Variants in GRK2 observed in about 807,000 individuals in gnomAD.
GRK2 encodes adrenergic beta receptor kinase 1.
In GRK2, 23 loss-of-function variants were observed where a neutral mutation model predicts 97.8. The ratio of observed to expected loss-of-function variants is 0.24; its 90% CI spans 0.17 to 0.33. The LOEUF (loss-of-function observed/expected upper bound fraction) is 0.33. Among genes scored for constraint, GRK2 ranks in the 10% least tolerant of loss-of-function variants. GRK2 has a pLI of 1.00. For missense variants in GRK2, 633 were observed against 956.9 expected (o/e 0.66, Z 4.47); for synonymous variants, 425 against 381.7 (o/e 1.11, Z -1.32).
chr11:67,274,627 G>A (rs1859990051), intron 1 of GRK2, among the ~76,000 whole-genome samples: 1 of 149,774 alleles, frequency 6.7e-6, no homozygotes, highest in Non-Finnish European at 1.5e-5. Context: ...GTCTCCCAGT[G>A]CACAGCCTGT....
At chr11:67,275,246 G>A (rs1389557739) in intron 1 of GRK2, among the ~76,000 whole-genome samples, 1 of 152,196 alleles carries the variant, frequency 6.6e-6, no homozygotes, top group African/African-American at 2.4e-5. Context: ...TTCCTGGAAG[G>A]ACAGTGCCCA....
At chr11:67,270,490 C>A (rs376269503) in intron 1 of GRK2, among the ~76,000 whole-genome samples, 1 of 152,212 alleles carries the variant, frequency 6.6e-6, no homozygotes, top group South Asian at 2.1e-4. Context: ...GTTAACTCTT[C>A]GCAGCCAGAA....
chr11:67,283,511 G>A (rs776440400), intron 15 of GRK2, 196 bp from the exon 16 acceptor site: 1 of 628,660 alleles, frequency 1.6e-6, no homozygotes, highest in Non-Finnish European at 2.8e-6. Context: ...ACTGGGCATA[G>A]GGTTGCAAAA....
rs1429746752 is a variant in GRK2, at chr11:67,284,618, C to CTACCAAAAAA, written c.1655-218_1655-209dup. 9.7e-6 allele frequency: 7 copies of CTACCAAAAAA among 724,142 alleles called. No homozygotes were observed. The East Asian group carries it at 1.7e-4, about 17-fold the overall frequency. 44.9% of individuals were successfully genotyped at this position (724,142 alleles called of 1,614,324 possible). ...TGGCCAACATGGTGAAACCCTGTCT[C>CTACCAAAAAA]TACCAAAAAATACCAAAAAAATTAG... On this transcript the variant is annotated intron_variant, in intron 18 of 20. Coordinates refer to ENST00000308595, the MANE Select transcript of GRK2 (RefSeq NM_001619.5).
Position 67,285,679 on chromosome 11 carries a change from C to T in GRK2, c.*229C>T. 3 of 545,844 alleles carry T rather than the reference C, an allele frequency of 5.5e-6. No homozygotes were observed. The South Asian group carries it at 7.8e-5, about 14-fold the overall frequency. The allele number at this position is 545,844 out of a possible 1,614,324, so 33.8% of individuals were successfully genotyped here. On this transcript the variant is annotated 3_prime_UTR_variant, in exon 21 of 21. Transcript: ENST00000308595. ...TTCAGGGGCTGCCCGCTCCCAGTGTCTTCCTGTGGGGGAAGAGCACAGCCC... is the reference window on the plus strand; with the variant it reads ...TTCAGGGGCTGCCCGCTCCCAGTGTTTTCCTGTGGGGGAAGAGCACAGCCC...
chr11:67,277,146 T>C, intron 1 of GRK2, 126 bp from the exon 2 acceptor site: 1 of 833,556 alleles, frequency 1.2e-6, no homozygotes, highest in Non-Finnish European at 1.9e-6. Context: ...TGAGTAGGCC[T>C]GACGGGCTGG....
At chr11:67,280,419 G>A (rs535697815) in intron 6 of GRK2, 96 of 481,262 alleles carry the variant, frequency 2.0e-4, no homozygotes, top group Non-Finnish European at 3.3e-4. Context: ...GACAGGAGAC[G>A]TACTTGTCAA....
intron 1 of GRK2, among the ~76,000 whole-genome samples, chr11:67,273,286 A>G (rs919748226): frequency 1.3e-5 from 2 of 152,212 alleles, no homozygotes; most frequent in African/African-American, 4.8e-5. Flanking sequence ...GCGTCCTTCC[A>G]TCTGGGACTG....
In GRK2 at chr11:67,282,427, TC is replaced by T. The variant is rs1860175524; in HGVS notation, c.1053-5del. 8 of 1,608,284 alleles carry T rather than the reference TC, an allele frequency of 5.0e-6. No homozygotes were observed. Among genetic ancestry groups the T allele is most frequent in the Non-Finnish European group, 6.8e-6 (8 of 1,176,838 alleles). On this transcript the variant is annotated splice_region_variant and splice_polypyrimidine_tract_variant and intron_variant, in intron 12 of 20. Transcript: ENST00000308595. The surrounding 1 kb of genome is among the most constrained non-coding windows in gnomAD (Gnocchi z 6.9). ...CCACTCCCGCTTATGGCCCCCTTGC[TC>T]CCACAGGGGCACCCACGGGTACATG...
intron 2 of GRK2, 50 bp downstream of exon 2, chr11:67,277,398 T>C: frequency 6.5e-7 from 1 of 1,539,468 alleles, no homozygotes; most frequent in Non-Finnish European, 9.0e-7. Context: ...TTCTTGCCCC[T>C]ACCCCAGCCA....
intron 2 of GRK2, 66 bp from the exon 3 acceptor site, chr11:67,279,134 C>A: frequency 7.2e-7 from 1 of 1,397,818 alleles, no homozygotes; most frequent in Non-Finnish European, 1.0e-6. Context: ...CAACCCACAC[C>A]ATCCACAATG....
Position 67,285,640 on chromosome 11 carries a change from C to T in GRK2, c.*190C>T, listed in dbSNP as rs771626240. On this transcript the variant is annotated 3_prime_UTR_variant, in exon 21 of 21. Coordinates refer to ENST00000308595, the MANE Select transcript of GRK2 (RefSeq NM_001619.5). The stretch of plus-strand genomic sequence containing the variant: ...GCACCAACCCAGCCGCTGCCCGGCG[C>T]CCTCTGTCCTGACTTCAGGGGCTGC... 1.0e-5 allele frequency: 7 copies of T among 693,236 alleles called. No homozygotes were observed. The highest frequency in any genetic ancestry group is 2.3e-6 in the Non-Finnish European group (1 of 437,316). The allele number at this position is 693,236 out of a possible 1,614,324, so 42.9% of individuals were successfully genotyped here.
chr11:67,279,543 T>C lies in GRK2; in HGVS notation c.366+24T>C, dbSNP rs746584523. ...ATGTGAGTGTCCTCAGCTGGCCCTG[T>C]GTGCTGGCCCAGAGTCACCTGCAGA... On this transcript the variant is annotated intron_variant, in intron 4 of 20. Transcript: ENST00000308595. The C allele has an allele frequency of 1.7e-5, 27 of 1,612,584 alleles. No homozygotes were observed. In the South Asian group the frequency reaches 2.9e-4, roughly 17 times the overall value.
intron 1 of GRK2, among the ~76,000 whole-genome samples, chr11:67,271,847 A>G (rs1859914374): frequency 6.6e-6 from 1 of 152,166 alleles, no homozygotes; most frequent in Non-Finnish European, 1.5e-5. Context: ...GAGAAACATT[A>G]AGAAGCCCCA....
intron 1 of GRK2, among the ~76,000 whole-genome samples, chr11:67,275,325 C>T (rs1292354687): frequency 2.6e-5 from 4 of 152,196 alleles, no homozygotes; most frequent in Admixed American, 6.5e-5. Context: ...AGGCCAGGTC[C>T]GCACTGTCTG....
In GRK2 at chr11:67,281,333, C is replaced by A; in HGVS notation, c.648-126C>A. On this transcript the variant is annotated intron_variant, in intron 8 of 20. Coordinates refer to ENST00000308595, the MANE Select transcript of GRK2 (RefSeq NM_001619.5). The surrounding 1 kb of genome is among the most constrained non-coding windows in gnomAD (Gnocchi z 5.7). ...CCCCCGCAGGCTCCTCTGGCCCCAG[C>A]CCTCCCTGTCTCTGATTTGTGTCAC... 9.1e-7 allele frequency: 1 copy of A among 1,099,912 alleles called. No individual in the cohort carries two copies. Among genetic ancestry groups the A allele is most frequent in the South Asian group, 1.4e-5 (1 of 72,972 alleles). 68.1% of individuals were successfully genotyped at this position (1,099,912 alleles called of 1,614,324 possible).
In GRK2 at chr11:67,284,246, C is replaced by T. The variant is rs777212532; in HGVS notation, c.1527C>T (p.Phe509=). 6.2e-7 allele frequency: 1 copy of T among 1,613,698 alleles called. No homozygotes were observed. Among genetic ancestry groups the T allele is most frequent in the Non-Finnish European group, 8.5e-7 (1 of 1,180,006 alleles). The change falls in exon 18 of 21, where the codon TTC becomes TTT. Residue 509 remains phenylalanine, a synonymous_variant. Transcript: ENST00000308595. ...LDSDQELYRN[F]PLTISERWQQ... is the part of the protein sequence containing the mutation. Reference sequence around the variant, plus strand: ...GTGATCAGGAGCTCTACCGCAACTTCCCCCTCACCATCTCGGAGCGGTGGC... The same window carrying T: ...GTGATCAGGAGCTCTACCGCAACTTTCCCCTCACCATCTCGGAGCGGTGGC...
chr11:67,277,922 C>A (rs905863864), intron 2 of GRK2, among the ~76,000 whole-genome samples: 1 of 152,206 alleles, frequency 6.6e-6, no homozygotes, highest in Non-Finnish European at 1.5e-5. Context: ...TTGGCCTTCC[C>A]GAGAACAGGA....
Position 67,285,959 on chromosome 11 carries a change from A to G in GRK2, c.*509A>G. ...CTCCCTGGCCCTCAAGGCCTCCCAC[A>G]GTGACTCGGGCTCCTGTGCCCTTAT... On this transcript the variant is annotated 3_prime_UTR_variant, in exon 21 of 21. Coordinates refer to ENST00000308595, the MANE Select transcript of GRK2 (RefSeq NM_001619.5). The G allele has an allele frequency of 4.3e-6, 1 of 234,010 alleles. No homozygotes were observed. The highest frequency in any genetic ancestry group is 8.4e-6 in the Non-Finnish European group (1 of 118,910). 14.5% of individuals were successfully genotyped at this position (234,010 alleles called of 1,614,324 possible).
Sources: gnomAD v4.1 joint callset for allele counts (sites outside exome capture counted in the v4.1 genomes callset) on GRCh38, gnomAD v4.1.1 for gene constraint, Gnocchi (gnomAD v3.1) non-coding constraint, MANE v1.5 for transcripts, NCBI Gene and HGNC (gene_info 2026-07-23, HGNC 2026-07-21) for gene names.